GNAQ: variants seen among roughly 807,000 people sequenced by gnomAD.
GNAQ encodes the protein guanine nucleotide-binding protein G(q) subunit alpha.
Under a neutral mutation model 43.9 loss-of-function variants are expected in GNAQ, and 8 were observed. The observed-to-expected ratio is 0.18, with a 90% CI of 0.11 to 0.33. The LOEUF is 0.33. Among genes scored for constraint, GNAQ ranks in the 10% least tolerant of loss-of-function variants. The pLI is 1.00. For synonymous variants in GNAQ, 155 were observed against 170.7 expected, an observed-to-expected ratio of 0.91 and a Z score of 0.71; for missense variants, 158 against 450.8, an observed-to-expected ratio of 0.35 and a Z score of 5.88.
In GNAQ at chr9:77,998,932, C is replaced by CA. The variant is rs201320711; in HGVS notation, c.136+32167dup. On this transcript the variant is annotated intron_variant, in intron 1 of 6. Coordinates refer to ENST00000286548, the MANE Select transcript of GNAQ (RefSeq NM_002072.5). ...TGAAACCCCGTCTCTACTAAAACTA[C>CA]AAAAAAAAATTAGCCAGGTGTGGTG... 5.6e-3 allele frequency among the ~76,000 whole-genome samples: 839 copies of CA among 149,718 alleles called. 7 individuals carry two copies. Among genetic ancestry groups the CA allele is most frequent in the Non-Finnish European group, 7.4e-3 (500 of 67,230 alleles).
At chr9:78,004,364 G>T (rs1002751739) in intron 1 of GNAQ, among the ~76,000 whole-genome samples, 1 of 151,654 alleles carries the variant, frequency 6.6e-6, no homozygotes, top group Non-Finnish European at 1.5e-5. Context: ...ACCATTCTCC[G>T]AAGTGGGGTC....
chr9:77,796,776 C>T (rs1033575651), intron 4 of GNAQ, among the ~76,000 whole-genome samples: 1 of 152,112 alleles, frequency 6.6e-6, no homozygotes, highest in Non-Finnish European at 1.5e-5. Context: ...TACCAGAGGA[C>T]GTGGGGAAAA....
At chr9:77,823,884 T>C (rs1307518830) in intron 2 of GNAQ, among the ~76,000 whole-genome samples, 1 of 152,252 alleles carries the variant, frequency 6.6e-6, no homozygotes, top group Non-Finnish European at 1.5e-5. Context: ...TGTATGTCTT[T>C]AAAGTATTTA....
At chr9:77,789,106 T>G (rs559702673) in intron 5 of GNAQ, among the ~76,000 whole-genome samples, 1 of 152,348 alleles carries the variant, frequency 6.6e-6, no homozygotes, top group Non-Finnish European at 1.5e-5. Context: ...AGGTACACAA[T>G]TGTATGGTTC....
At chr9:77,738,344 G>T (rs1825604251) in intron 5 of GNAQ, among the ~76,000 whole-genome samples, 1 of 151,908 alleles carries the variant, frequency 6.6e-6, no homozygotes, top group Non-Finnish European at 1.5e-5. Flanking sequence ...CTCAACTATG[G>T]AGAGTAAATT....
chr9:77,924,374 G>A (rs928055761), intron 1 of GNAQ, among the ~76,000 whole-genome samples: 7 of 152,010 alleles, frequency 4.6e-5, no homozygotes, highest in East Asian at 3.9e-4. Context: ...AAAAAATCCC[G>A]ATTGTTTCTT....
intron 3 of GNAQ, among the ~76,000 whole-genome samples, chr9:77,813,505 C>A (rs1227876995): frequency 6.6e-6 from 1 of 152,142 alleles, no homozygotes; most frequent in Non-Finnish European, 1.5e-5. Context: ...AGCATCCAAT[C>A]CTCATACTAA....
At chr9:77,824,500 T>A (rs1395376634) in intron 2 of GNAQ, among the ~76,000 whole-genome samples, 1 of 152,224 alleles carries the variant, frequency 6.6e-6, no homozygotes, top group Non-Finnish European at 1.5e-5. Flanking sequence ...GCAGCTTGTT[T>A]GGATACAACT....
At chr9:77,897,908 C>CT (rs1258409127) in intron 2 of GNAQ, among the ~76,000 whole-genome samples, 12 of 137,990 alleles carry the variant, frequency 8.7e-5, no homozygotes, top group African/African-American at 3.2e-4. Flanking sequence ...AGTTAGTGAA[C>CT]TTTTGTTCAC....
intron 5 of GNAQ, among the ~76,000 whole-genome samples, chr9:77,789,940 A>C (rs1826541615): frequency 2.0e-5 from 3 of 152,190 alleles, no homozygotes. Context: ...GAGATGAAGA[A>C]GGAGTACAAT....
intron 3 of GNAQ, among the ~76,000 whole-genome samples, chr9:77,803,991 A>G (rs142482086): frequency 2.0e-5 from 3 of 152,362 alleles, no homozygotes; most frequent in African/African-American, 7.2e-5. Flanking sequence ...AAAATATATG[A>G]CAGAAGCTTC....
intron 5 of GNAQ, among the ~76,000 whole-genome samples, chr9:77,750,123 A>G (rs1564099006): frequency 6.6e-6 from 1 of 152,030 alleles, no homozygotes; most frequent in Admixed American, 6.6e-5. Flanking sequence ...ATCTTTAAAA[A>G]ATATTATTTC....
chr9:77,996,016 A>G (rs1165396916), intron 1 of GNAQ, among the ~76,000 whole-genome samples: 1 of 152,206 alleles, frequency 6.6e-6, no homozygotes, highest in African/African-American at 2.4e-5. Flanking sequence ...TTACTTATAA[A>G]GGAGGGGTGT....
chr9:77,997,135 A>AG (rs1823579803), intron 1 of GNAQ, among the ~76,000 whole-genome samples: 1 of 152,238 alleles, frequency 6.6e-6, no homozygotes, highest in South Asian at 2.1e-4. Context: ...AACCCAGGCT[A>AG]GGTGATGCGC....
intron 5 of GNAQ, among the ~76,000 whole-genome samples, chr9:77,785,050 G>C (rs1826455127): frequency 6.6e-6 from 1 of 152,180 alleles, no homozygotes; most frequent in Non-Finnish European, 1.5e-5. Context: ...TAGTGACTCT[G>C]AGAAAGGTAT....
At chr9:77,807,471 CA>C (rs774569344) in intron 3 of GNAQ, among the ~76,000 whole-genome samples, 17 of 152,266 alleles carry the variant, frequency 1.1e-4, no homozygotes, top group Non-Finnish European at 1.3e-4. Flanking sequence ...ACTCAGAAGC[CA>C]AATCAACTCA....
intron 5 of GNAQ, among the ~76,000 whole-genome samples, chr9:77,779,696 A>G (rs1305785924): frequency 6.6e-6 from 1 of 150,844 alleles, no homozygotes; most frequent in African/African-American, 2.4e-5. Context: ...AAAAAAAAAA[A>G]AAAAAGAGAA....
chr9:77,982,993 C>CTT (rs1271862699), intron 1 of GNAQ, among the ~76,000 whole-genome samples: 2 of 151,940 alleles, frequency 1.3e-5, no homozygotes, highest in African/African-American at 4.8e-5. Context: ...AAGATAAAAA[C>CTT]TTTTTTAGAA....
intron 1 of GNAQ, among the ~76,000 whole-genome samples, chr9:77,962,267 C>T (rs1181983824): frequency 6.6e-6 from 1 of 151,990 alleles, no homozygotes; most frequent in Non-Finnish European, 1.5e-5. Context: ...TTTGAAGAAA[C>T]AGCATCTGAA....
Sources: gnomAD v4.1 joint callset for allele counts (sites outside exome capture counted in the v4.1 genomes callset) on GRCh38, gnomAD v4.1.1 for gene constraint, MANE v1.5 for transcripts, NCBI Gene and HGNC (gene_info 2026-07-23, HGNC 2026-07-21) for gene names.